RELN: variants seen among roughly 807,000 people sequenced by gnomAD.
RELN encodes reelin.
RELN carries 108 observed loss-of-function variants against 427.6 expected under a neutral mutation model. The ratio of observed to expected loss-of-function variants is 0.25; its 90% CI spans 0.22 to 0.30. The LOEUF (loss-of-function observed/expected upper bound fraction) is 0.30, where lower values mean the gene tolerates loss of function less well. Among genes scored for constraint, RELN ranks in the 10% least tolerant of loss-of-function variants. The pLI, the probability that RELN is intolerant of heterozygous loss-of-function variation, is 1.00. For synonymous variants in RELN, 1,524 were observed against 1,513.4 expected, an observed-to-expected ratio of 1.01 and a Z score of -0.16; for missense variants, 3,715 against 4,302.8, an observed-to-expected ratio of 0.86 and a Z score of 3.82.
At chr7:103,924,985 TACACATACACACACACACAC>T (rs1419586440) in intron 1 of RELN, among the ~76,000 whole-genome samples, 1,911 of 137,626 alleles carry the variant, frequency 0.014, 60 homozygotes, top group African/African-American at 0.049. Context: ...TGCATGCGCA[TACACATACACACACACACAC>T]ACACACACAC....
At chr7:103,730,374 A>G (rs1166847130) in intron 6 of RELN, among the ~76,000 whole-genome samples, 1 of 152,082 alleles carries the variant, frequency 6.6e-6, no homozygotes, top group Non-Finnish European at 1.5e-5. Context: ...TAGAAACTGG[A>G]TAACTGTATA....
intron 12 of RELN, among the ~76,000 whole-genome samples, chr7:103,660,181 G>C (rs2299354): frequency 2.6e-5 from 4 of 151,846 alleles, no homozygotes; most frequent in Non-Finnish European, 5.9e-5. Flanking sequence ...GTCAAAAATG[G>C]GGAAAAGGGA....
At chr7:103,884,487 G>C (rs898382150) in intron 2 of RELN, among the ~76,000 whole-genome samples, 1 of 152,154 alleles carries the variant, frequency 6.6e-6, no homozygotes, top group Non-Finnish European at 1.5e-5. Context: ...TCATCAGAGT[G>C]AACAGGCAAC....
intron 4 of RELN, among the ~76,000 whole-genome samples, chr7:103,762,889 A>G (rs568617967): frequency 2.0e-5 from 3 of 152,342 alleles, no homozygotes; most frequent in African/African-American, 7.2e-5. Flanking sequence ...GGGGGGAATC[A>G]AAGATGACAA....
At chr7:103,851,106 T>G (rs571809133) in intron 2 of RELN, among the ~76,000 whole-genome samples, 23 of 152,248 alleles carry the variant, frequency 1.5e-4, no homozygotes, top group African/African-American at 5.5e-4. Context: ...AATGACAGGA[T>G]AAAGAAATGG....
At chr7:103,541,911 T>A (rs1562880939) in intron 43 of RELN, among the ~76,000 whole-genome samples, 1 of 152,204 alleles carries the variant, frequency 6.6e-6, no homozygotes, top group Non-Finnish European at 1.5e-5. Context: ...AAATTTATGA[T>A]CAATAAATGA....
chr7:103,898,800 G>C (rs1345230986), intron 2 of RELN, among the ~76,000 whole-genome samples: 2 of 151,978 alleles, frequency 1.3e-5, no homozygotes, highest in African/African-American at 4.8e-5. Flanking sequence ...TTTAAAGCTA[G>C]AGCAAAATGT....
chr7:103,539,441 T>G (rs1830128762), intron 44 of RELN, 114 bp from the exon 45 acceptor site: 2 of 1,100,564 alleles, frequency 1.8e-6, no homozygotes, highest in Non-Finnish European at 2.6e-6. Flanking sequence ...TGCTCAGAAC[T>G]GGCACTGGAC....
At chr7:103,489,428 A>G (rs1362886278) in intron 60 of RELN, among the ~76,000 whole-genome samples, 1 of 152,148 alleles carries the variant, frequency 6.6e-6, no homozygotes, top group Non-Finnish European at 1.5e-5. Flanking sequence ...GCAGGGAGTT[A>G]TATGAAAGAC....
rs781481738 is a variant in RELN, at chr7:103,589,802, G to A, written c.3939C>T (p.Phe1313=). ...GAAGAAGAACTGGAGCAGTACTGCT[G>A]AATTGATTGGCACAACCTATGTTTA... ...FKLNIGCANQ[F]SSTAPVLLQY... Residue 1313 remains phenylalanine (F), a synonymous_variant, in exon 28 of 65, where the codon TTC becomes TTT. Transcript: ENST00000428762. 8 of 1,608,298 alleles carry A rather than the reference G, an allele frequency of 5.0e-6. No individual in the cohort carries two copies. In the Admixed American group the frequency reaches 8.3e-5, roughly 17 times the overall value.
At chr7:103,500,661 A>C in intron 53 of RELN, 84 bp downstream of exon 53, 2 of 1,379,696 alleles carry the variant, frequency 1.4e-6, no homozygotes, top group Non-Finnish European at 2.0e-6. Flanking sequence ...GGACATTGTT[A>C]TAGATTATGT....
chr7:103,932,659 GCA>G (rs1795891946), intron 1 of RELN, among the ~76,000 whole-genome samples: 1 of 152,210 alleles, frequency 6.6e-6, no homozygotes, highest in Non-Finnish European at 1.5e-5. Flanking sequence ...ATGGCTAGCA[GCA>G]ACAGAAAAGG....
At chr7:103,557,859 C>G (rs755539847) in intron 37 of RELN, 106 bp downstream of exon 37, 5 of 686,480 alleles carry the variant, frequency 7.3e-6, no homozygotes, top group Non-Finnish European at 1.4e-5. Flanking sequence ...TATGTTAGCC[C>G]TTCCATACAA....
chr7:103,472,927 A>C lies in RELN; in HGVS notation c.10287-19T>G. 1 of 1,589,416 alleles carries C rather than the reference A, an allele frequency of 6.3e-7. No homozygotes were observed. The highest frequency in any genetic ancestry group is 8.6e-7 in the Non-Finnish European group (1 of 1,157,452). On this transcript the variant is annotated intron_variant, in intron 64 of 64. Coordinates refer to ENST00000428762, the MANE Select transcript of RELN (RefSeq NM_005045.4). Reference sequence around the variant, plus strand: ...GCGAGTGCTGTTAAAATCAAACAGGATAGAGGCAGGGAAGGAAAGGAAAAA... The same window carrying C: ...GCGAGTGCTGTTAAAATCAAACAGGCTAGAGGCAGGGAAGGAAAGGAAAAA...
rs878973178 is a variant in RELN at position 103,497,739 on chromosome 7, G to A, written c.8950+81C>T. On this transcript the variant is annotated intron_variant, in intron 55 of 64. Transcript: ENST00000428762. ...CAATTCAAACTGTGAAGTCAGCAAA[G>A]CTTTGCAGAGACTTTTCTGAGGGTG... 7.7e-6 allele frequency: 9 copies of A among 1,161,324 alleles called. No individual in the cohort carries two copies. In the East Asian group the frequency reaches 1.2e-4, roughly 15 times the overall value. The allele number at this position is 1,161,324 out of a possible 1,614,324, so 71.9% of individuals were successfully genotyped here. A position where few individuals can be genotyped will look rare whatever the true frequency, so the allele number is the denominator to read the frequency against.
At position 103,684,021 on chromosome 7, in the gene RELN, A is replaced by T. The variant is rs1833709507; in HGVS notation, c.1144-1760T>A. ...CAGTGTTCTCAAGGTTTGCAGTGGT[A>T]AAATGCTCTTTTAAGGATATATGAG... On this transcript the variant is annotated intron_variant, in intron 10 of 64. Coordinates refer to ENST00000428762, the MANE Select transcript of RELN (RefSeq NM_005045.4). 2.0e-5 allele frequency among the ~76,000 whole-genome samples: 3 copies of T among 152,184 alleles called. No individual in the cohort carries two copies. The East Asian group carries it at 5.8e-4, about 29-fold the overall frequency.
At chr7:103,902,880 T>C (rs866180341) in intron 2 of RELN, among the ~76,000 whole-genome samples, 2 of 152,170 alleles carry the variant, frequency 1.3e-5, no homozygotes, top group Non-Finnish European at 2.9e-5. Context: ...AGAATTCACT[T>C]TCACTACTTT....
At chr7:103,787,836 A>G (rs1792058117) in intron 3 of RELN, among the ~76,000 whole-genome samples, 1 of 152,226 alleles carries the variant, frequency 6.6e-6, no homozygotes, top group Admixed American at 6.5e-5. Context: ...TCTTTTTATG[A>G]GGCCAGCATC....
intron 1 of RELN, among the ~76,000 whole-genome samples, chr7:103,960,870 A>G (rs1796538671): frequency 6.6e-6 from 1 of 152,234 alleles, no homozygotes; most frequent in Non-Finnish European, 1.5e-5. Context: ...AATAAAGAAC[A>G]CTGCTTTAAG....
Sources: gnomAD v4.1 joint callset for allele counts (sites outside exome capture counted in the v4.1 genomes callset) on GRCh38, gnomAD v4.1.1 for gene constraint, MANE v1.5 for transcripts, NCBI Gene and HGNC (gene_info 2026-07-23, HGNC 2026-07-21) for gene names.